Variants in POLR3B observed in about 807,000 individuals in gnomAD.
POLR3B encodes DNA-directed RNA polymerase III subunit RPC2.
Under a neutral mutation model 147.4 loss-of-function variants are expected in POLR3B, and 96 were observed. That is an observed-to-expected ratio of 0.65 (90% confidence interval 0.55 to 0.77). The LOEUF (loss-of-function observed/expected upper bound fraction) is 0.77. Among genes scored for constraint, POLR3B ranks in the 30% least tolerant of loss-of-function variants. The pLI, the probability that POLR3B is intolerant of heterozygous loss-of-function variation, is 0.00. For missense variants in POLR3B, 1,036 were observed against 1,413.5 expected, an observed-to-expected ratio of 0.73 and a Z score of 4.28; for synonymous variants, 461 against 485.9, an observed-to-expected ratio of 0.95 and a Z score of 0.67.
At chr12:106,491,400 G>C (rs769324204) in intron 23 of POLR3B, among the ~76,000 whole-genome samples, 3 of 152,132 alleles carry the variant, frequency 2.0e-5, no homozygotes, top group African/African-American at 7.2e-5. Context: ...ATTTTTTACA[G>C]ACGGCATTTC....
At chr12:106,415,785 TA>T (rs1057129717) in intron 12 of POLR3B, among the ~76,000 whole-genome samples, 1 of 152,110 alleles carries the variant, frequency 6.6e-6, no homozygotes, top group Non-Finnish European at 1.5e-5. Flanking sequence ...AGTAAACATT[TA>T]AAAAAATAGC....
chr12:106,369,515 A>T, intron 5 of POLR3B, 68 bp from the exon 6 acceptor site: 1 of 1,087,276 alleles, frequency 9.2e-7, no homozygotes, highest in Non-Finnish European at 1.4e-6. Flanking sequence ...CAGAAGGAGC[A>T]CTTTGAAGTG....
At chr12:106,408,009 T>G (rs912324006) in intron 11 of POLR3B, among the ~76,000 whole-genome samples, 3 of 152,172 alleles carry the variant, frequency 2.0e-5, no homozygotes, top group Non-Finnish European at 2.9e-5. Flanking sequence ...TAAAGGATGA[T>G]TTTCAGTGAT....
intron 16 of POLR3B, 125 bp from the exon 17 acceptor site, chr12:106,436,932 C>A: frequency 1.3e-6 from 1 of 763,988 alleles, no homozygotes; most frequent in Non-Finnish European, 2.3e-6. Context: ...ACCTGGTGTC[C>A]TCAGCAATCC....
At chr12:106,463,648 T>G in intron 23 of POLR3B, 28 bp downstream of exon 23, 1 of 1,577,110 alleles carries the variant, frequency 6.3e-7, no homozygotes, top group Non-Finnish European at 8.7e-7. Context: ...TCAACTTGAT[T>G]ATAAAACAAT....
intron 10 of POLR3B, among the ~76,000 whole-genome samples, chr12:106,402,298 A>G (rs1216878027): frequency 4.6e-5 from 7 of 152,184 alleles, no homozygotes; most frequent in African/African-American, 1.7e-4. Context: ...CCACTGCTCA[A>G]TGAAATAAAA....
At chr12:106,475,924 T>G (rs1161449695) in intron 23 of POLR3B, among the ~76,000 whole-genome samples, 11 of 151,736 alleles carry the variant, frequency 7.2e-5, no homozygotes, top group East Asian at 1.9e-4. Flanking sequence ...GTTAGCTGGT[T>G]ATTTTGCTCA....
intron 23 of POLR3B, among the ~76,000 whole-genome samples, chr12:106,485,807 G>T (rs1330856903): frequency 6.6e-6 from 1 of 152,150 alleles, no homozygotes. Flanking sequence ...CTGGCAATTG[G>T]TTATAGAGTC....
At chr12:106,487,849 C>T (rs902215935) in intron 23 of POLR3B, among the ~76,000 whole-genome samples, 3 of 152,082 alleles carry the variant, frequency 2.0e-5, no homozygotes, top group East Asian at 1.9e-4. Flanking sequence ...GGGCAGAATG[C>T]GTGGGTCAGC....
At chr12:106,422,287 T>A (rs1229613505) in intron 12 of POLR3B, among the ~76,000 whole-genome samples, 1 of 152,146 alleles carries the variant, frequency 6.6e-6, no homozygotes, top group Non-Finnish European at 1.5e-5. Context: ...TTCTCCCTCT[T>A]CTTCCTGCTC....
At chr12:106,440,642 C>T (rs1309005113) in intron 18 of POLR3B, among the ~76,000 whole-genome samples, 1 of 152,140 alleles carries the variant, frequency 6.6e-6, no homozygotes, top group Non-Finnish European at 1.5e-5. Flanking sequence ...CAGGTCTTCA[C>T]TTAGGTGTCA....
chr12:106,358,498 A>T (rs1371844961), intron 1 of POLR3B, among the ~76,000 whole-genome samples: 1 of 152,212 alleles, frequency 6.6e-6, no homozygotes, highest in Non-Finnish European at 1.5e-5. Flanking sequence ...CACAGCTTTC[A>T]TCAGCTTCTC....
intron 23 of POLR3B, among the ~76,000 whole-genome samples, chr12:106,477,155 G>A (rs1269606718): frequency 4.7e-5 from 6 of 127,756 alleles, no homozygotes; most frequent in African/African-American, 1.7e-4. Flanking sequence ...CCCCTGCTGG[G>A]GGGTGCCTCC....
At chr12:106,435,519 A>G (rs2037565796) in intron 16 of POLR3B, among the ~76,000 whole-genome samples, 1 of 151,830 alleles carries the variant, frequency 6.6e-6, no homozygotes, top group African/African-American at 2.4e-5. Flanking sequence ...CTTCTTTGCA[A>G]CCGAAGAATG....
intron 22 of POLR3B, among the ~76,000 whole-genome samples, chr12:106,459,790 A>G (rs2037911712): frequency 6.6e-6 from 1 of 152,254 alleles, no homozygotes; most frequent in African/African-American, 2.4e-5. Context: ...AACATAGCCC[A>G]GCTCTAGTAG....
intron 22 of POLR3B, among the ~76,000 whole-genome samples, chr12:106,462,471 A>G (rs1592754995): frequency 6.6e-6 from 1 of 152,000 alleles, no homozygotes; most frequent in South Asian, 2.1e-4. Context: ...CGAACTCCTG[A>G]CCTCATGATC....
At chr12:106,392,490 T>A (rs2136916548) in intron 9 of POLR3B, among the ~76,000 whole-genome samples, 1 of 152,310 alleles carries the variant, frequency 6.6e-6, no homozygotes, top group South Asian at 2.1e-4. Flanking sequence ...TAAGTCTCCT[T>A]TGAAACCTGC....
rs2037966661 is a variant in POLR3B at position 106,463,486 on chromosome 12, G to T, written c.2579G>T (p.Gly860Val). The change falls in exon 23 of 28, where the codon GGA (glycine) becomes GTA (valine). Residue 860 changes from glycine to valine, a missense_variant. By Grantham distance (109) the Gly-to-Val change is moderately radical. Coordinates refer to ENST00000228347, the MANE Select transcript of POLR3B (RefSeq NM_018082.6). The stretch of plus-strand genomic sequence containing the variant: ...CTTTCTCTTAACACCAGCTACAAAG[G>T]AGCAACAGACTCATATATTGAAAAA... ...QYKDVPITYKGATDSYIEKVM... is the reference protein window; with the variant it reads ...QYKDVPITYKVATDSYIEKVM... 41 of 1,613,284 alleles carry T rather than the reference G, an allele frequency of 2.5e-5. No individual in the cohort carries two copies. The highest frequency in any genetic ancestry group is 3.4e-5 in the Non-Finnish European group (40 of 1,179,544).
intron 18 of POLR3B, among the ~76,000 whole-genome samples, chr12:106,438,970 C>G (rs2037614976): frequency 6.6e-6 from 1 of 152,214 alleles, no homozygotes; most frequent in Admixed American, 6.5e-5. Flanking sequence ...AACTTGCTGT[C>G]TGATGCATGT....
Sources: allele counts gnomAD v4.1 joint callset (sites outside exome capture counted in the v4.1 genomes callset), GRCh38; gene constraint gnomAD v4.1.1; transcripts MANE v1.5; gene names NCBI Gene and HGNC (gene_info 2026-07-23, HGNC 2026-07-21).